CSMD1: variants seen among roughly 807,000 people sequenced by gnomAD.
CSMD1 encodes CUB and sushi domain-containing protein 1.
Under a neutral mutation model 417.5 loss-of-function variants are expected in CSMD1, and 213 were observed. The observed-to-expected ratio is 0.51, with a 90% CI of 0.46 to 0.57. The LOEUF (loss-of-function observed/expected upper bound fraction) is 0.57, where lower values mean the gene tolerates loss of function less well. Ranked by LOEUF, CSMD1 falls within the 20% of genes least tolerant of loss-of-function variation. CSMD1 has a pLI of 0.00. For missense variants in CSMD1, 6,923 were observed against 4,529.7 expected (o/e 1.53, Z -15.17); for synonymous variants, 2,862 against 1,736.8 (o/e 1.65, Z -16.11).
chr8:3,768,221 T>C (rs1246336270), intron 5 of CSMD1, among the ~76,000 whole-genome samples: 4 of 152,136 alleles, frequency 2.6e-5, no homozygotes, highest in Non-Finnish European at 5.9e-5. Context: ...TAGACAACCA[T>C]ACAGTGGCCA....
At chr8:3,575,187 A>AG (rs1491540503) in intron 9 of CSMD1, 121 bp from the exon 10 acceptor site, 1 of 692,196 alleles carries the variant, frequency 1.4e-6, no homozygotes, top group African/African-American at 1.9e-5. Context: ...AAAAAAAAAA[A>AG]TGGTGCATGG....
intron 2 of CSMD1, among the ~76,000 whole-genome samples, chr8:4,560,751 C>T (rs938112133): frequency 1.3e-5 from 2 of 152,162 alleles, no homozygotes; most frequent in African/African-American, 2.4e-5. Context: ...TCTTTCCTTC[C>T]TCCTATTCTT....
At chr8:4,732,357 G>GTGTC (rs1809947253) in intron 1 of CSMD1, among the ~76,000 whole-genome samples, 1 of 147,308 alleles carries the variant, frequency 6.8e-6, no homozygotes, top group Non-Finnish European at 1.5e-5. Flanking sequence ...GTGTGTGTGT[G>GTGTC]TGTGTGTGTG....
At chr8:4,270,819 C>T (rs915281504) in intron 3 of CSMD1, among the ~76,000 whole-genome samples, 22 of 152,290 alleles carry the variant, frequency 1.4e-4, no homozygotes, top group Admixed American at 1.3e-3. Flanking sequence ...TCCCTGCCGC[C>T]CACCACACTC....
chr8:4,316,017 G>T (rs1001191085), intron 3 of CSMD1, among the ~76,000 whole-genome samples: 1 of 151,508 alleles, frequency 6.6e-6, no homozygotes, highest in Non-Finnish European at 1.5e-5. Context: ...AAATATTCAG[G>T]CATTATTGAA....
At chr8:4,223,243 A>C (rs1180688933) in intron 3 of CSMD1, among the ~76,000 whole-genome samples, 1 of 152,116 alleles carries the variant, frequency 6.6e-6, no homozygotes, top group East Asian at 1.9e-4. Flanking sequence ...TTGAACATTT[A>C]TCTTTTTCTA....
At chr8:3,698,806 A>T (rs1421344907) in intron 7 of CSMD1, among the ~76,000 whole-genome samples, 2 of 152,240 alleles carry the variant, frequency 1.3e-5, no homozygotes, top group East Asian at 3.8e-4. Flanking sequence ...TTATCTGGAA[A>T]ATTATGGCCT....
chr8:4,372,523 C>G (rs1253151249), intron 3 of CSMD1, among the ~76,000 whole-genome samples: 3 of 151,664 alleles, frequency 2.0e-5, no homozygotes, highest in Admixed American at 6.6e-5. Flanking sequence ...CCTCTAATAC[C>G]TCATCCAATA....
intron 7 of CSMD1, among the ~76,000 whole-genome samples, chr8:3,643,161 A>C (rs1797391475): frequency 6.6e-6 from 1 of 152,092 alleles, no homozygotes; most frequent in Admixed American, 6.6e-5. Context: ...AGATATTATA[A>C]GTGAGAGCCA....
intron 7 of CSMD1, among the ~76,000 whole-genome samples, chr8:3,660,596 C>G (rs1160099653): frequency 6.8e-6 from 1 of 146,704 alleles, no homozygotes; most frequent in Admixed American, 6.8e-5. Flanking sequence ...TCTCAGCTCA[C>G]TGCACCCTCC....
At chr8:3,150,269 T>C (rs1223510418) in intron 40 of CSMD1, among the ~76,000 whole-genome samples, 2 of 152,194 alleles carry the variant, frequency 1.3e-5, no homozygotes, top group Non-Finnish European at 2.9e-5. Flanking sequence ...ACCACCACCG[T>C]GGCCTCCTAC....
chr8:3,965,566 A>G (rs1274992009), intron 5 of CSMD1, among the ~76,000 whole-genome samples: 1 of 152,158 alleles, frequency 6.6e-6, no homozygotes, highest in Non-Finnish European at 1.5e-5. Context: ...AGGTCTTTCA[A>G]TTCCAGGCCT....
intron 12 of CSMD1, among the ~76,000 whole-genome samples, chr8:3,411,649 G>T (rs200405009): frequency 0.039 from 4,989 of 128,342 alleles, 190 homozygotes; most frequent in East Asian, 0.15. Context: ...TTCAGTAGTA[G>T]TCCATCATAT....
intron 1 of CSMD1, among the ~76,000 whole-genome samples, chr8:4,803,498 G>T (rs1449173958): frequency 1.3e-5 from 2 of 152,104 alleles, no homozygotes; most frequent in African/African-American, 4.8e-5. Flanking sequence ...GTTGGAATCT[G>T]CCCGACATTC....
rs75987798 is a variant in CSMD1 at position 4,586,911 on chromosome 8, A to C, written c.302+50431T>G. On this transcript the variant is annotated intron_variant, in intron 2 of 69. Transcript: ENST00000635120. Reference sequence around the variant, plus strand: ...TGATAAGAGTGCTTAACTTTGTTTGATGAATAAATAAATGAGAACTTGCAT... The same window carrying C: ...TGATAAGAGTGCTTAACTTTGTTTGCTGAATAAATAAATGAGAACTTGCAT... Among the ~76,000 whole-genome samples, 183 of 152,330 alleles carry C rather than the reference A, an allele frequency of 1.2e-3. 3 individuals are homozygous for C. The East Asian group carries it at 0.02, about 17-fold the overall frequency.
chr8:4,548,236 G>T (rs144278442), intron 2 of CSMD1, among the ~76,000 whole-genome samples: 12 of 152,078 alleles, frequency 7.9e-5, no homozygotes, highest in African/African-American at 2.9e-4. Context: ...AATGTACGTT[G>T]AGTGCAAAAA....
intron 3 of CSMD1, among the ~76,000 whole-genome samples, chr8:4,068,029 C>A (rs375110774): frequency 2.0e-5 from 3 of 151,634 alleles, no homozygotes; most frequent in Non-Finnish European, 2.9e-5. Context: ...TGCAGTGAGC[C>A]GAGATCATGC....
Position 4,081,544 on chromosome 8 carries a change from C to T in CSMD1, c.416-49445G>A, listed in dbSNP as rs555905545. On this transcript the variant is annotated intron_variant, in intron 3 of 69. Coordinates refer to ENST00000635120, the MANE Select transcript of CSMD1 (RefSeq NM_033225.6). Reference sequence around the variant, plus strand: ...CCCCTACCAACCACCGGAAAGGAACCGAAGCTGTGCTCATGTTGACCTAGT... The same window carrying T: ...CCCCTACCAACCACCGGAAAGGAACTGAAGCTGTGCTCATGTTGACCTAGT... 1.6e-4 allele frequency among the ~76,000 whole-genome samples: 25 copies of T among 152,212 alleles called. No homozygotes were observed. In the South Asian group the frequency reaches 4.4e-3, roughly 27 times the overall value.
chr8:3,911,788 G>C (rs916252561), intron 5 of CSMD1, among the ~76,000 whole-genome samples: 2 of 152,102 alleles, frequency 1.3e-5, no homozygotes, highest in African/African-American at 4.8e-5. Context: ...TTTCTCAATA[G>C]ACTGAAACTT....
Sources: gnomAD v4.1 joint callset for allele counts (sites outside exome capture counted in the v4.1 genomes callset) on GRCh38, gnomAD v4.1.1 for gene constraint, MANE v1.5 for transcripts, NCBI Gene and HGNC (gene_info 2026-07-23, HGNC 2026-07-21) for gene names.